The following ENTREP2 variants were observed in gnomAD, a reference collection of about 807,000 sequenced individuals.
ENTREP2 encodes protein ENTREP2.
chr15:29,289,180 C>G, the ENTREP2 span, among the ~76,000 whole-genome samples: 3 of 149,944 alleles, frequency 2.0e-5, no homozygotes, highest in African/African-American at 7.4e-5. Flanking sequence ...GCACTCCAGC[C>G]TGGGTGACAG....
the ENTREP2 span, chr15:29,234,380 G>A: frequency 6.4e-7 from 1 of 1,561,426 alleles, no homozygotes; most frequent in African/African-American, 1.4e-5. Flanking sequence ...CACTCTGCAG[G>A]ACTTATTATT....
chr15:29,655,705 T>C, the ENTREP2 span, among the ~76,000 whole-genome samples: 1 of 151,664 alleles, frequency 6.6e-6, no homozygotes, highest in African/African-American at 2.4e-5. Flanking sequence ...AAGAATCAAA[T>C]GGAAATGCTA....
At chr15:29,410,831 G>A in the ENTREP2 span, among the ~76,000 whole-genome samples, 1 of 152,196 alleles carries the variant, frequency 6.6e-6, no homozygotes, top group Non-Finnish European at 1.5e-5. Context: ...TGTTGCCCAG[G>A]CTGGAGTGCA....
the ENTREP2 span, among the ~76,000 whole-genome samples, chr15:29,156,229 T>C: frequency 6.7e-6 from 1 of 150,182 alleles, no homozygotes; most frequent in Non-Finnish European, 1.5e-5. Context: ...CTCCAGTCCA[T>C]GCTGGAGTGC....
chr15:29,126,479 C>T, the ENTREP2 span: 1 of 1,550,082 alleles, frequency 6.5e-7, no homozygotes, highest in Non-Finnish European at 8.7e-7. Context: ...GAGGCTTGTG[C>T]TGTCAGCTGG....
At chr15:29,482,504 C>T in the ENTREP2 span, among the ~76,000 whole-genome samples, 2 of 152,170 alleles carry the variant, frequency 1.3e-5, no homozygotes, top group Non-Finnish European at 1.5e-5. Flanking sequence ...TCATCTCTCC[C>T]TCCCCCAAAC....
chr15:29,529,446 T>C, the ENTREP2 span, among the ~76,000 whole-genome samples: 2 of 151,902 alleles, frequency 1.3e-5, no homozygotes, highest in Non-Finnish European at 2.9e-5. Context: ...GGAGGGGCTG[T>C]CATGAGTTGT....
At chr15:29,445,284 G>C in the ENTREP2 span, among the ~76,000 whole-genome samples, 1 of 152,174 alleles carries the variant, frequency 6.6e-6, no homozygotes, top group African/African-American at 2.4e-5. Flanking sequence ...AAGGTGATGT[G>C]TCTTTTTGTG....
the ENTREP2 span, among the ~76,000 whole-genome samples, chr15:29,555,982 C>T: frequency 6.6e-6 from 1 of 152,222 alleles, no homozygotes; most frequent in East Asian, 1.9e-4. Context: ...TGGCCAGGCA[C>T]GGTGCTCACG....
At chr15:29,304,499 C>G in the ENTREP2 span, among the ~76,000 whole-genome samples, 10 of 152,154 alleles carry the variant, frequency 6.6e-5, no homozygotes, top group Non-Finnish European at 1.3e-4. Context: ...CACTCAAAAC[C>G]ATACGACTAC....
chr15:29,450,547 G>T, the ENTREP2 span, among the ~76,000 whole-genome samples: 33 of 152,252 alleles, frequency 2.2e-4, no homozygotes, highest in Middle Eastern at 3.4e-3. Flanking sequence ...ATTGTGGAAA[G>T]CAGTGTGGCA....
chr15:29,118,980 G>A, the ENTREP2 span, among the ~76,000 whole-genome samples: 1 of 152,162 alleles, frequency 6.6e-6, no homozygotes, highest in Non-Finnish European at 1.5e-5. Context: ...TCCTTGCTGT[G>A]GGCACTGACC....
At chr15:29,233,561 A>C in the ENTREP2 span, 1 of 594,778 alleles carries the variant, frequency 1.7e-6, no homozygotes, top group East Asian at 2.8e-5. Flanking sequence ...AATACCACCT[A>C]CTGTAATTTA....
chr15:29,259,821 T>C, the ENTREP2 span, among the ~76,000 whole-genome samples: 1 of 151,720 alleles, frequency 6.6e-6, no homozygotes, highest in Non-Finnish European at 1.5e-5. Flanking sequence ...CATATATATA[T>C]ATATGAAGAA....
At chr15:29,349,337 C>G in the ENTREP2 span, among the ~76,000 whole-genome samples, 1 of 152,126 alleles carries the variant, frequency 6.6e-6, no homozygotes, top group African/African-American at 2.4e-5. Context: ...GTTAACATAT[C>G]TGCTGAAACA....
the ENTREP2 span, among the ~76,000 whole-genome samples, chr15:29,336,163 T>G: frequency 9.8e-6 from 1 of 101,932 alleles, no homozygotes; most frequent in African/African-American, 3.6e-5. Flanking sequence ...AAAAAAAAAA[T>G]TCCTTGCTGG....
the ENTREP2 span, among the ~76,000 whole-genome samples, chr15:29,395,178 G>A: frequency 1.3e-5 from 2 of 151,536 alleles, no homozygotes; most frequent in Non-Finnish European, 2.9e-5. Flanking sequence ...CTGAGCCACC[G>A]CGCCTGGCCT....
At chr15:29,645,934 A>G in the ENTREP2 span, among the ~76,000 whole-genome samples, 1 of 152,302 alleles carries the variant, frequency 6.6e-6, no homozygotes, top group Admixed American at 6.5e-5. Flanking sequence ...GGGTACTAGA[A>G]TAAGACATGA....
chr15:29,475,699 C>T, the ENTREP2 span, among the ~76,000 whole-genome samples: 3 of 152,148 alleles, frequency 2.0e-5, no homozygotes, highest in Admixed American at 6.5e-5. Context: ...CGTACCATCC[C>T]GCAGAGGGGA....
Sources: allele counts gnomAD v4.1 joint callset (sites outside exome capture counted in the v4.1 genomes callset), GRCh38; gene constraint gnomAD v4.1.1; transcripts MANE v1.5; gene names NCBI Gene and HGNC (gene_info 2026-07-23, HGNC 2026-07-21).